Variants in DZIP1 observed in about 807,000 individuals in gnomAD.
The protein encoded by DZIP1 is DAZ interacting zinc finger protein 1.
In DZIP1, 97 loss-of-function variants were observed where a neutral mutation model predicts 107.6. The ratio of observed to expected loss-of-function variants is 0.90; its 90% CI spans 0.77 to 1.07. The LOEUF is 1.07. DZIP1 is among the 50% of genes least tolerant of loss of function. The pLI is 0.00. For synonymous variants in DZIP1, 390 were observed against 386.4 expected, an observed-to-expected ratio of 1.01 and a Z score of -0.11; for missense variants, 1,035 against 1,063.6, an observed-to-expected ratio of 0.97 and a Z score of 0.37.
rs998538856 is a variant in DZIP1, at chr13:95,602,103, A to G, written c.1478-2679T>C. Among the ~76,000 whole-genome samples, 12 of 152,224 alleles carry G rather than the reference A, an allele frequency of 7.9e-5. 1 individual carries two copies. Among genetic ancestry groups the G allele is most frequent in the African/African-American group, 2.9e-4 (12 of 41,542 alleles). The stretch of plus-strand genomic sequence containing the variant: ...ACACTCAGCGGCTACAAACTGCCCC[A>G]AGAACGACCCTGGACAGCTGCAGCC... On this transcript the variant is annotated intron_variant, in intron 14 of 22. Coordinates refer to ENST00000376829, the MANE Select transcript of DZIP1 (RefSeq NM_198968.4).
intron 5 of DZIP1, among the ~76,000 whole-genome samples, chr13:95,634,359 T>C (rs1184440824): frequency 6.6e-6 from 1 of 152,220 alleles, no homozygotes; most frequent in Non-Finnish European, 1.5e-5. Flanking sequence ...TCCTCATACA[T>C]CTCACTGGCT....
intron 5 of DZIP1, among the ~76,000 whole-genome samples, chr13:95,639,274 A>G (rs1878195555): frequency 6.6e-6 from 1 of 152,124 alleles, no homozygotes; most frequent in African/African-American, 2.4e-5. Flanking sequence ...CCTTTTAATC[A>G]TTACTTATCA....
Position 95,584,819 on chromosome 13 carries a change from G to T in DZIP1, c.2441C>A (p.Pro814His). Residue 814 changes from proline (P) to histidine (H), a missense_variant, in exon 22 of 23, where the codon CCT (proline) becomes CAT (histidine). Physicochemically the swap from Pro to His is moderately conservative, Grantham distance 77. Transcript: ENST00000376829. Reference protein sequence around the residue: ...GKKSGKEQKEPPPAKNEPHFA... With the variant: ...GKKSGKEQKEHPPAKNEPHFA... ...ATGTGGTTCATTTTTCGCAGGTGGA[G>T]GTTCCTTCTGTTCTTTCCCAGATTT... The T allele has an allele frequency of 6.2e-7, 1 of 1,614,100 alleles. No individual in the cohort carries two copies. The highest frequency in any genetic ancestry group is 8.5e-7 in the Non-Finnish European group (1 of 1,180,002).
intron 10 of DZIP1, chr13:95,617,962 C>T: frequency 1.9e-6 from 1 of 518,980 alleles, no homozygotes; most frequent in Non-Finnish European, 3.8e-6. Context: ...ACGAGGGTGC[C>T]ATTTGCCAAG....
Position 95,634,488 on chromosome 13 carries a change from A to C in DZIP1, c.598-1167T>G, listed in dbSNP as rs78978015. On this transcript the variant is annotated intron_variant, in intron 5 of 22. Transcript: ENST00000376829. ...GCTTTCTCCCCAGAACACAGGCTTA[A>C]TATATGAATGAACAAAAGCTTGGAA... Among the ~76,000 whole-genome samples the C allele has an allele frequency of 3.4e-3, 515 of 152,390 alleles. 4 individuals carry two copies. Among genetic ancestry groups the C allele is most frequent in the Admixed American group, 0.022 (340 of 15,308 alleles).
chr13:95,597,467 G>A (rs1216330741), intron 15 of DZIP1, among the ~76,000 whole-genome samples: 12 of 152,156 alleles, frequency 7.9e-5, no homozygotes, highest in Non-Finnish European at 1.8e-4. Context: ...ACTCAAATAG[G>A]GTAAGATTTG....
chr13:95,632,490 G>A (rs566382085), intron 6 of DZIP1, among the ~76,000 whole-genome samples: 1 of 152,134 alleles, frequency 6.6e-6, no homozygotes, highest in South Asian at 2.1e-4. Flanking sequence ...CCAGGCCCCC[G>A]TCTCTCTCAC....
chr13:95,606,271 A>G (rs762500472), intron 13 of DZIP1, among the ~76,000 whole-genome samples: 1 of 152,198 alleles, frequency 6.6e-6, no homozygotes, highest in African/African-American at 2.4e-5. Context: ...AAAATATACA[A>G]TTCAGTGGGT....
intron 21 of DZIP1, 45 bp from the exon 22 acceptor site, chr13:95,584,955 A>G (rs539120893): frequency 6.5e-7 from 1 of 1,543,476 alleles, no homozygotes; most frequent in African/African-American, 1.4e-5. Flanking sequence ...TTAGAAAAAA[A>G]TGGTGTCCCT....
chr13:95,638,542 ATTG>A (rs762136768), intron 5 of DZIP1, among the ~76,000 whole-genome samples: 1 of 152,080 alleles, frequency 6.6e-6, no homozygotes, highest in Admixed American at 6.6e-5. Context: ...TATTCACTAT[ATTG>A]TTGTTTTAAT....
chr13:95,638,663 G>A (rs28604903), intron 5 of DZIP1, among the ~76,000 whole-genome samples: 46 of 106,126 alleles, frequency 4.3e-4, no homozygotes, highest in Middle Eastern at 5.4e-3. Context: ...ACACACACAC[G>A]CACACCCCAT....
At chr13:95,637,737 T>C (rs1877991909) in intron 5 of DZIP1, among the ~76,000 whole-genome samples, 1 of 152,122 alleles carries the variant, frequency 6.6e-6, no homozygotes. Context: ...ACCATCCCTG[T>C]TGACACCTTG....
At chr13:95,638,543 T>C (rs1343870066) in intron 5 of DZIP1, among the ~76,000 whole-genome samples, 2 of 152,186 alleles carry the variant, frequency 1.3e-5, no homozygotes, top group African/African-American at 4.8e-5. Context: ...ATTCACTATA[T>C]TGTTGTTTTA....
chr13:95,609,766 T>C (rs1031792061), intron 12 of DZIP1, among the ~76,000 whole-genome samples: 12 of 152,164 alleles, frequency 7.9e-5, no homozygotes, highest in African/African-American at 2.9e-4. Flanking sequence ...TGAGCTCTTG[T>C]TATTTGAAGA....
At chr13:95,596,058 C>G (rs565179599) in intron 15 of DZIP1, among the ~76,000 whole-genome samples, 1 of 152,156 alleles carries the variant, frequency 6.6e-6, no homozygotes, top group African/African-American at 2.4e-5. Context: ...TTTGGGAAAC[C>G]ATTTATGAAT....
At chr13:95,591,628 C>A (rs1264109640) in intron 16 of DZIP1, among the ~76,000 whole-genome samples, 2 of 152,108 alleles carry the variant, frequency 1.3e-5, no homozygotes, top group Non-Finnish European at 2.9e-5. Context: ...TCAATCAACC[C>A]CCTCCTCTAC....
intron 13 of DZIP1, among the ~76,000 whole-genome samples, chr13:95,607,191 C>T (rs1379773160): frequency 6.6e-6 from 1 of 152,120 alleles, no homozygotes; most frequent in Non-Finnish European, 1.5e-5. Flanking sequence ...GGACTACAGG[C>T]ATGCGGCACC....
chr13:95,624,624 A>C lies in DZIP1; in HGVS notation c.972+144T>G, dbSNP rs1876315187. On this transcript the variant is annotated intron_variant, in intron 8 of 22. Coordinates refer to ENST00000376829, the MANE Select transcript of DZIP1 (RefSeq NM_198968.4). ...ATCTCTGACTCACTCTGTCTCCTCT[A>C]TGCCTCCCTCAAGACTCTCAGGGAG... is the stretch of plus-strand genomic sequence containing the variant. 1.0e-5 allele frequency: 8 copies of C among 764,340 alleles called. No individual in the cohort carries two copies. The South Asian group carries it at 1.3e-4, about 13-fold the overall frequency. The allele number at this position is 764,340 out of a possible 1,614,324, so 47.3% of individuals were successfully genotyped here. A position where few individuals can be genotyped will look rare whatever the true frequency, so the allele number is the denominator to read the frequency against.
At chr13:95,599,270 A>T (rs4497528) in intron 15 of DZIP1, 95 bp downstream of exon 15, 5 of 1,030,824 alleles carry the variant, frequency 4.9e-6, no homozygotes, top group Admixed American at 2.0e-5. Flanking sequence ...ATTTTGATGT[A>T]GTGGAATAAA....
Sources: allele counts gnomAD v4.1 joint callset (sites outside exome capture counted in the v4.1 genomes callset), GRCh38; gene constraint gnomAD v4.1.1; transcripts MANE v1.5; gene names NCBI Gene and HGNC (gene_info 2026-07-23, HGNC 2026-07-21).